ZNF654: variants seen among roughly 807,000 people sequenced by gnomAD.
ZNF654 encodes zinc finger protein 654, also known as melanoma-associated antigen.
In ZNF654, 19 loss-of-function variants were observed where a neutral mutation model predicts 95.3. The ratio of observed to expected loss-of-function variants is 0.20; its 90% CI spans 0.14 to 0.29. The LOEUF (loss-of-function observed/expected upper bound fraction) is 0.29, where lower values mean the gene tolerates loss of function less well. Ranked by LOEUF, ZNF654 falls within the 10% of genes least tolerant of loss-of-function variation. The probability of loss-of-function intolerance (pLI) is 1.00; values close to 1 mark genes in which losing one functional copy is unlikely to be tolerated. For missense variants in ZNF654, 1,046 were observed against 1,341.0 expected (o/e 0.78, Z 3.44); for synonymous variants, 413 against 457.9 (o/e 0.90, Z 1.25).
At chr3:88,092,854 T>C (rs1221378462) in intron 2 of ZNF654, among the ~76,000 whole-genome samples, 1 of 152,216 alleles carries the variant, frequency 6.6e-6, no homozygotes, top group Non-Finnish European at 1.5e-5. Context: ...ATTATACATA[T>C]GTATTGATCT....
At chr3:88,095,652 CTCTGT>C (rs909332045) in intron 2 of ZNF654, 144 of 486,764 alleles carry the variant, frequency 3.0e-4, no homozygotes, top group African/African-American at 2.3e-3. Context: ...AATATCATCA[CTCTGT>C]TCTCTTTTTT....
At chr3:88,086,630 C>G (rs1464179012) in intron 2 of ZNF654, among the ~76,000 whole-genome samples, 1 of 152,150 alleles carries the variant, frequency 6.6e-6, no homozygotes, top group South Asian at 2.1e-4. Flanking sequence ...CTTCTAGTTA[C>G]TACAAGCACT....
chr3:88,109,766 A>T (rs566947885), intron 2 of ZNF654, among the ~76,000 whole-genome samples: 26 of 152,278 alleles, frequency 1.7e-4, no homozygotes, highest in East Asian at 5.8e-4. Context: ...TTGGACTAAA[A>T]TTTTTTTATA....
intron 1 of ZNF654, among the ~76,000 whole-genome samples, chr3:88,064,487 G>A (rs1707084813): frequency 6.6e-6 from 1 of 152,174 alleles, no homozygotes; most frequent in Admixed American, 6.5e-5. Context: ...ATCTGGGGGA[G>A]ATTTTGAACT....
chr3:88,118,641 A>C (rs192486385), intron 3 of ZNF654, among the ~76,000 whole-genome samples: 1 of 152,320 alleles, frequency 6.6e-6, no homozygotes, highest in Admixed American at 6.5e-5. Flanking sequence ...GAAGGTCCTA[A>C]TCTTGGTAGT....
chr3:88,103,683 C>T (rs570201102), intron 2 of ZNF654, among the ~76,000 whole-genome samples: 7 of 151,076 alleles, frequency 4.6e-5, no homozygotes, highest in East Asian at 1.9e-4. Context: ...TAATGTGTAG[C>T]GGACATCTCT....
At chr3:88,068,879 C>G (rs1466168955) in intron 1 of ZNF654, among the ~76,000 whole-genome samples, 5 of 152,016 alleles carry the variant, frequency 3.3e-5, no homozygotes, top group African/African-American at 9.7e-5. Context: ...AAAGCCAGCC[C>G]GTGCACTTAG....
At chr3:88,063,125 A>G (rs774118111) in intron 1 of ZNF654, among the ~76,000 whole-genome samples, 2 of 152,146 alleles carry the variant, frequency 1.3e-5, no homozygotes, top group Non-Finnish European at 2.9e-5. Flanking sequence ...TTTGATTGTC[A>G]TGATTGAGGT....
chr3:88,095,414 C>G, intron 2 of ZNF654: 1 of 339,928 alleles, frequency 2.9e-6, no homozygotes, highest in South Asian at 2.5e-5. Flanking sequence ...CCTTTTAGCC[C>G]TTTGCTGTTT....
intron 3 of ZNF654, among the ~76,000 whole-genome samples, chr3:88,114,086 G>C (rs1705250902): frequency 6.6e-6 from 1 of 152,104 alleles, no homozygotes; most frequent in Admixed American, 6.6e-5. Context: ...ATGCACTAAG[G>C]TCTAAGAAAA....
chr3:88,113,506 A>T (rs770088277), intron 3 of ZNF654, among the ~76,000 whole-genome samples: 33 of 152,278 alleles, frequency 2.2e-4, no homozygotes, highest in Non-Finnish European at 2.9e-4. Context: ...ACTTGAAGTA[A>T]GCTGTCTATC....
chr3:88,065,351 T>A (rs1478133317), intron 1 of ZNF654, among the ~76,000 whole-genome samples: 1 of 152,212 alleles, frequency 6.6e-6, no homozygotes, highest in Admixed American at 6.5e-5. Flanking sequence ...TTGTTCATAA[T>A]GACGTTGTTT....
At chr3:88,074,073 T>C (rs1307523176) in intron 1 of ZNF654, among the ~76,000 whole-genome samples, 1 of 152,184 alleles carries the variant, frequency 6.6e-6, no homozygotes, top group East Asian at 1.9e-4. Flanking sequence ...TCCACAAAAA[T>C]AAGAATCTAC....
At chr3:88,088,274 C>T (rs776809386) in intron 2 of ZNF654, among the ~76,000 whole-genome samples, 1 of 151,954 alleles carries the variant, frequency 6.6e-6, no homozygotes, top group Non-Finnish European at 1.5e-5. Context: ...CTGGTTTTTA[C>T]ATATTAATGA....
At chr3:88,075,730 T>C (rs1315877123) in intron 1 of ZNF654, among the ~76,000 whole-genome samples, 2 of 152,240 alleles carry the variant, frequency 1.3e-5, no homozygotes, top group East Asian at 1.9e-4. Flanking sequence ...GAGCCTGTTA[T>C]TAAATTTGCC....
Position 88,117,512 on chromosome 3 carries a change from C to G in ZNF654, c.414+4316C>G, listed in dbSNP as rs1705483864. Reference sequence around the variant, plus strand: ...TAAATACTTGGAAACAAACTGATGACAGGTCTTTTATCAGGACAACAAAGT... The same window carrying G: ...TAAATACTTGGAAACAAACTGATGAGAGGTCTTTTATCAGGACAACAAAGT... On this transcript the variant is annotated intron_variant, in intron 3 of 8. Coordinates refer to ENST00000636215, the MANE Select transcript of ZNF654 (RefSeq NM_001350134.2). Among the ~76,000 whole-genome samples, 5 of 152,008 alleles carry G rather than the reference C, an allele frequency of 3.3e-5. No homozygotes were observed. In the South Asian group the frequency reaches 1.0e-3, roughly 32 times the overall value.
intron 3 of ZNF654, among the ~76,000 whole-genome samples, chr3:88,124,864 C>G (rs184798987): frequency 8.0e-4 from 122 of 151,754 alleles, no homozygotes; most frequent in Non-Finnish European, 1.5e-3. Flanking sequence ...AATACTTTTA[C>G]TAGATATTCA....
At position 88,143,715 on chromosome 3, in the gene ZNF654, TCTA is replaced by T. The variant is rs1293985561; in HGVS notation, c.*2066_*2068del. On this transcript the variant is annotated 3_prime_UTR_variant, in exon 9 of 9. Coordinates refer to ENST00000636215, the MANE Select transcript of ZNF654 (RefSeq NM_001350134.2). ...ATCTGTCTTTAACTTGAGGTTTATT[TCTA>T]CTTTTGTGTTGCTAAAATTATTTCT... 6.6e-6 allele frequency: 1 copy of T among 152,332 alleles called. No homozygotes were observed. Among genetic ancestry groups the T allele is most frequent in the Non-Finnish European group, 1.5e-5 (1 of 67,788 alleles). 9.4% of individuals were successfully genotyped at this position (152,332 alleles called of 1,614,324 possible).
rs183786973 is a variant in ZNF654, at chr3:88,105,008, C to T, written c.333-8107C>T. Among the ~76,000 whole-genome samples, 56 of 152,224 alleles carry T rather than the reference C, an allele frequency of 3.7e-4. 1 individual carries two copies. In the East Asian group the frequency reaches 9.8e-3, roughly 27 times the overall value. On this transcript the variant is annotated intron_variant, in intron 2 of 8. Transcript: ENST00000636215. ...ACCAAAAATTAGTCAGGTGTGGTGG[C>T]GCGCGCCTGTAATCCCAGCTACTCG... is the stretch of plus-strand genomic sequence containing the variant.
Sources: allele counts gnomAD v4.1 joint callset (sites outside exome capture counted in the v4.1 genomes callset), GRCh38; gene constraint gnomAD v4.1.1; transcripts MANE v1.5; gene names NCBI Gene and HGNC (gene_info 2026-07-23, HGNC 2026-07-21).